TGFBR3: variants seen among roughly 807,000 people sequenced by gnomAD.
The protein encoded by TGFBR3 is transforming growth factor beta receptor type 3.
A neutral mutation model predicts 87.9 loss-of-function variants in TGFBR3; 46 were observed. That is an observed-to-expected ratio of 0.52 (90% confidence interval 0.41 to 0.67). TGFBR3 has a LOEUF of 0.67. Ranked by LOEUF, TGFBR3 falls within the 30% of genes least tolerant of loss-of-function variation. TGFBR3 has a pLI of 0.00. For synonymous variants in TGFBR3, 381 were observed against 391.6 expected (o/e 0.97, Z 0.32); for missense variants, 866 against 1,041.9 (o/e 0.83, Z 2.32).
chr1:91,722,188 C>T (rs1277741434), intron 7 of TGFBR3, 44 bp from the exon 8 acceptor site: 19 of 1,473,308 alleles, frequency 1.3e-5, no homozygotes, highest in Non-Finnish European at 1.7e-5. Context: ...TAAAATTAAA[C>T]AGTACTTTAG....
At chr1:91,889,534 G>A (rs1336729433), upstream of TGFBR3, among the ~76,000 whole-genome samples, 3 of 152,122 alleles carry the variant, frequency 2.0e-5, no homozygotes, top group Non-Finnish European at 4.4e-5. Flanking sequence ...CTACAGAGAT[G>A]TTTTCTCTTT....
intron 3 of TGFBR3, among the ~76,000 whole-genome samples, chr1:91,794,411 T>A (rs1417380755): frequency 6.6e-6 from 1 of 152,058 alleles, no homozygotes. Flanking sequence ...CCATGTTGGC[T>A]AGGCTAGTCT....
chr1:91,852,376 C>A (rs903212953), intron 2 of TGFBR3, among the ~76,000 whole-genome samples: 1 of 152,320 alleles, frequency 6.6e-6, no homozygotes, highest in East Asian at 1.9e-4. Context: ...GCCTCAACTC[C>A]CGTGTGTGTG....
At chr1:91,730,677 C>T (rs1404178134) in intron 5 of TGFBR3, among the ~76,000 whole-genome samples, 1 of 152,228 alleles carries the variant, frequency 6.6e-6, no homozygotes, top group East Asian at 1.9e-4. Context: ...GGAGAAGCAA[C>T]CACCTAATTA....
intron 3 of TGFBR3, among the ~76,000 whole-genome samples, chr1:91,759,609 G>C (rs1466675592): frequency 6.6e-6 from 1 of 152,082 alleles, no homozygotes; most frequent in Non-Finnish European, 1.5e-5. Context: ...GGATATATAA[G>C]GAAATATTGA....
In TGFBR3 at chr1:91,712,291, C is replaced by A; in HGVS notation, c.2118G>T (p.Glu706Asp). Residue 706 changes from glutamate (E) to aspartate (D), a missense_variant, in exon 13 of 17, where the codon GAG becomes GAT. Transcript: ENST00000212355. Reference sequence around the variant, plus strand: ...TCTCCATCTTCGTACACAGCGTCAGCTCACACTGTAGAAAGAGCAGTGAGG... The same window carrying A: ...TCTCCATCTTCGTACACAGCGTCAGATCACACTGTAGAAAGAGCAGTGAGG... Reference protein sequence around the residue: ...FNTSLLFLQCELTLCTKMEKH... With the variant: ...FNTSLLFLQCDLTLCTKMEKH... The A allele has an allele frequency of 6.2e-7, 1 of 1,614,224 alleles. No individual in the cohort carries two copies. Among genetic ancestry groups the A allele is most frequent in the Non-Finnish European group, 8.5e-7 (1 of 1,180,048 alleles).
At chr1:91,708,817 G>A (rs893180190) in intron 13 of TGFBR3, 34 bp from the exon 14 acceptor site, 13 of 1,611,564 alleles carry the variant, frequency 8.1e-6, no homozygotes, top group East Asian at 4.5e-5. Flanking sequence ...CAGAATCAGG[G>A]GCCACTCAAA....
intron 1 of TGFBR3, among the ~76,000 whole-genome samples, chr1:91,867,133 A>G (rs1393729280): frequency 6.6e-6 from 1 of 152,234 alleles, no homozygotes; most frequent in Admixed American, 6.5e-5. Context: ...CATGTATAGT[A>G]TTAAAACTAT....
intron 3 of TGFBR3, among the ~76,000 whole-genome samples, chr1:91,785,876 C>T (rs368014181): frequency 5.9e-5 from 9 of 151,976 alleles, no homozygotes; most frequent in Middle Eastern, 3.4e-3. Flanking sequence ...AAGTGATCCT[C>T]CTGCCTCAGC....
At chr1:91,889,346 A>G (rs971123504), upstream of TGFBR3, among the ~76,000 whole-genome samples, 1 of 152,010 alleles carries the variant, frequency 6.6e-6, no homozygotes, top group African/African-American at 2.4e-5. Context: ...ATTCAATCTC[A>G]CATCCACCGA....
chr1:91,798,954 G>A (rs1166637665), intron 2 of TGFBR3, among the ~76,000 whole-genome samples: 1 of 152,116 alleles, frequency 6.6e-6, no homozygotes, highest in Non-Finnish European at 1.5e-5. Context: ...AGAAGGAACT[G>A]GATGCTTACT....
At chr1:91,746,918 G>C (rs1368849318) in intron 4 of TGFBR3, among the ~76,000 whole-genome samples, 1 of 152,222 alleles carries the variant, frequency 6.6e-6, no homozygotes, top group South Asian at 2.1e-4. Context: ...CAGCTACCAG[G>C]CTCAGAAATC....
intron 4 of TGFBR3, among the ~76,000 whole-genome samples, chr1:91,738,281 C>T (rs931469618): frequency 6.6e-6 from 1 of 152,180 alleles, no homozygotes; most frequent in Non-Finnish European, 1.5e-5. Flanking sequence ...TCAGCTGAAC[C>T]CTGCTATGAT....
intron 2 of TGFBR3, among the ~76,000 whole-genome samples, chr1:91,852,583 T>C (rs1197091982): frequency 1.3e-5 from 2 of 152,166 alleles, no homozygotes; most frequent in East Asian, 1.9e-4. Context: ...CTTTTATTTT[T>C]GAGACCTAGT....
At chr1:91,784,149 G>A (rs1674873613) in intron 3 of TGFBR3, among the ~76,000 whole-genome samples, 1 of 152,168 alleles carries the variant, frequency 6.6e-6, no homozygotes, top group Non-Finnish European at 1.5e-5. Flanking sequence ...ACAAAGATCT[G>A]CAGTTTAGAG....
At chr1:91,696,322 C>T (rs1367537135) in intron 15 of TGFBR3, among the ~76,000 whole-genome samples, 1 of 152,188 alleles carries the variant, frequency 6.6e-6, no homozygotes, top group African/African-American at 2.4e-5. Context: ...TAAAAATAAA[C>T]TATTCCTGTG....
intron 3 of TGFBR3, among the ~76,000 whole-genome samples, chr1:91,785,721 C>T (rs1003030252): frequency 6.6e-5 from 10 of 151,978 alleles, no homozygotes; most frequent in Admixed American, 6.6e-4. Flanking sequence ...GGGAATCCTT[C>T]CCTCACTTCC....
At chr1:91,898,044 TA>T (rs11331075) in intron 2 of TGFBR3, among the ~76,000 whole-genome samples, 86,041 of 148,618 alleles carry the variant, frequency 0.58, 25,164 homozygotes, top group African/African-American at 0.65. Flanking sequence ...GTTTTCAATT[TA>T]AAAAAAAAAA....
intron 15 of TGFBR3, among the ~76,000 whole-genome samples, chr1:91,696,834 AT>A (rs199509810): frequency 8.7e-5 from 13 of 149,420 alleles, no homozygotes; most frequent in African/African-American, 1.2e-4. Context: ...AAAGAAAGCT[AT>A]TTTTTTTTTA....
Sources: gnomAD v4.1 joint callset for allele counts (sites outside exome capture counted in the v4.1 genomes callset) on GRCh38, gnomAD v4.1.1 for gene constraint, MANE v1.5 for transcripts, NCBI Gene and HGNC (gene_info 2026-07-23, HGNC 2026-07-21) for gene names.